The following RRP12 variants were observed in gnomAD, a reference collection of about 807,000 sequenced individuals.
The protein encoded by RRP12 is RRP12-like protein.
Under a neutral mutation model 157.3 loss-of-function variants are expected in RRP12, and 78 were observed. The ratio of observed to expected loss-of-function variants is 0.50; its 90% CI spans 0.41 to 0.60. The LOEUF is 0.60. Among genes scored for constraint, RRP12 ranks in the 20% least tolerant of loss-of-function variants. The pLI is 0.00. For synonymous variants in RRP12, 726 were observed against 670.9 expected (o/e 1.08, Z -1.27); for missense variants, 1,521 against 1,679.9 (o/e 0.91, Z 1.65).
chr10:97,374,648 T>C (rs1350883135), intron 15 of RRP12, among the ~76,000 whole-genome samples: 1 of 151,794 alleles, frequency 6.6e-6, no homozygotes, highest in African/African-American at 2.4e-5. Flanking sequence ...GGCAGGCACC[T>C]GTAGTCCCAG....
intron 20 of RRP12, chr10:97,371,301 C>T (rs1844147798): frequency 1.7e-6 from 1 of 600,564 alleles, no homozygotes; most frequent in South Asian, 2.0e-5. Context: ...CCACTCCACT[C>T]ACCCAGCTCT....
rs1844194615 is a variant in RRP12 at position 97,372,795 on chromosome 10, G to A, written c.2190C>T (p.Asn730=). The A allele has an allele frequency of 6.4e-7, 1 of 1,562,446 alleles. No individual in the cohort carries two copies. Residue 730 remains asparagine (N), a synonymous_variant, in exon 19 of 34, where the codon AAC becomes AAT. Coordinates refer to ENST00000370992, the MANE Select transcript of RRP12 (RefSeq NM_015179.4). The part of the protein sequence containing the change: ...YLTITDTQLV[N]SLLEKASEKV... The stretch of plus-strand genomic sequence containing the variant: ...TCTCACTGGCTTTTTCCAGGAGACT[G>A]TTCACCAACTTGTGGCCCCGAGGGA...
At chr10:97,387,712 G>A (rs1054291568) in intron 8 of RRP12, among the ~76,000 whole-genome samples, 2 of 151,528 alleles carry the variant, frequency 1.3e-5, no homozygotes, top group African/African-American at 2.4e-5. Flanking sequence ...AGGTTGAGGC[G>A]GGCAGATCAC....
chr10:97,400,184 G>A (rs1845099528), intron 2 of RRP12, 121 bp downstream of exon 2: 3 of 754,354 alleles, frequency 4.0e-6, no homozygotes, highest in South Asian at 3.2e-5. Flanking sequence ...GGGGAGGAGC[G>A]ATGACGCATC....
At chr10:97,376,133 C>G (rs555878616) in intron 15 of RRP12, among the ~76,000 whole-genome samples, 1 of 150,914 alleles carries the variant, frequency 6.6e-6, no homozygotes, top group Non-Finnish European at 1.5e-5. Flanking sequence ...CAAACCGACC[C>G]AAACAAAGCA....
chr10:97,401,355 AT>A, upstream of RRP12: 3 of 1,224,580 alleles, frequency 2.4e-6, no homozygotes, highest in Non-Finnish European at 1.2e-6. Context: ...TCACTTCCGG[AT>A]TCGTGTGCAT....
intron 10 of RRP12, among the ~76,000 whole-genome samples, chr10:97,383,947 C>G (rs1018659231): frequency 2.0e-5 from 3 of 152,202 alleles, no homozygotes; most frequent in African/African-American, 7.2e-5. Flanking sequence ...CCTGTCAGAA[C>G]GAGCTGCACT....
chr10:97,368,958 G>C (rs1844062892), intron 25 of RRP12, among the ~76,000 whole-genome samples: 1 of 152,336 alleles, frequency 6.6e-6, no homozygotes, highest in South Asian at 2.1e-4. Flanking sequence ...AGAGGGCCAG[G>C]GACCCTATAC....
intron 2 of RRP12, among the ~76,000 whole-genome samples, chr10:97,399,437 G>T (rs552287149): frequency 1.2e-3 from 185 of 152,166 alleles, no homozygotes; most frequent in Non-Finnish European, 1.6e-3. Context: ...CTCTGTGAAT[G>T]ATTCAAGTTG....
At chr10:97,379,461 T>C (rs1771525021) in intron 14 of RRP12, 47 bp from the exon 15 acceptor site, 1 of 1,611,298 alleles carries the variant, frequency 6.2e-7, no homozygotes, top group African/African-American at 1.3e-5. Context: ...GGGACAGCCC[T>C]GAGGGCAGTG....
Position 97,401,336 on chromosome 10 carries a change from C to G in RRP12, c.-105G>C, listed in dbSNP as rs866728957. On this transcript the variant is annotated 5_prime_UTR_variant, in exon 1 of 34. Coordinates refer to ENST00000370992, the MANE Select transcript of RRP12 (RefSeq NM_015179.4). ...TACCCTGTAGCCTTCACTTCCTCTT[C>G]TTCTGGCGTCACTTCCGGATTCGTG... The G allele has an allele frequency of 7.1e-7, 1 of 1,412,236 alleles. No homozygotes were observed. Among genetic ancestry groups the G allele is most frequent in the Non-Finnish European group, 9.8e-7 (1 of 1,023,816 alleles). 87.5% of individuals were successfully genotyped at this position (1,412,236 alleles called of 1,614,324 possible). A position where few individuals can be genotyped will look rare whatever the true frequency, so the allele number is the denominator to read the frequency against.
chr10:97,390,623 C>T (rs758859520), intron 5 of RRP12, 84 bp from the exon 6 acceptor site: 290 of 1,362,192 alleles, frequency 2.1e-4, no homozygotes, highest in Non-Finnish European at 2.8e-4. Flanking sequence ...TCCAGAAAAT[C>T]GCATCTGTCT....
In RRP12 at chr10:97,388,644, G is replaced by A. The variant is rs1363556767; in HGVS notation, c.754-20C>T. The stretch of plus-strand genomic sequence containing the variant: ...CCGGATCTGAGGGGCAAGGAGAGCA[G>A]GAGACAAGGCCAGATCAGCGTTCCA... On this transcript the variant is annotated intron_variant, in intron 6 of 33. Coordinates refer to ENST00000370992, the MANE Select transcript of RRP12 (RefSeq NM_015179.4). 1.9e-6 allele frequency: 3 copies of A among 1,612,278 alleles called. No homozygotes were observed. The East Asian group carries it at 6.7e-5, about 36-fold the overall frequency.
chr10:97,360,895 C>A (rs1215916114), intron 30 of RRP12, among the ~76,000 whole-genome samples: 3 of 152,236 alleles, frequency 2.0e-5, no homozygotes, highest in Non-Finnish European at 4.4e-5. Context: ...CTGGGCCCCA[C>A]CCAGGCCTGC....
Position 97,366,813 on chromosome 10 carries a change from C to T in RRP12, c.3144G>A (p.Leu1048=), listed in dbSNP as rs1316031663. 4 of 1,614,094 alleles carry T rather than the reference C, an allele frequency of 2.5e-6. No homozygotes were observed. The African/African-American group carries it at 5.3e-5, about 22-fold the overall frequency. ...AEARAKRHRA[L]SQAAVEEEEE... ...CTTCCTCCTCCACGGCAGCCTGGCT[C>T]AGGGCTCGGTGCCTCTTGGCCCGGG... The change falls in exon 27 of 34, where the codon CTG becomes CTA. Residue 1048 remains leucine, a synonymous_variant. Coordinates refer to ENST00000370992, the MANE Select transcript of RRP12 (RefSeq NM_015179.4).
intron 30 of RRP12, 123 bp from the exon 31 acceptor site, chr10:97,360,741 C>T: frequency 1.4e-6 from 1 of 737,600 alleles, no homozygotes. Context: ...AGCACCCCAC[C>T]TCTCACTTAC....
rs542033467 is a variant in RRP12, at chr10:97,370,340, A to G, written c.2690-66T>C. ...ACCAGGTAGGGGGGCTGAGGGCCAG[A>G]GAGGAGCAGCCTGCCCAGGGCCAGG... On this transcript the variant is annotated intron_variant, in intron 23 of 33. Transcript: ENST00000370992. The G allele has an allele frequency of 7.4e-4, 1,037 of 1,400,208 alleles. 2 individuals carry two copies. Among genetic ancestry groups the G allele is most frequent in the Non-Finnish European group, 8.4e-4 (849 of 1,008,342 alleles). 86.7% of individuals were successfully genotyped at this position (1,400,208 alleles called of 1,614,324 possible).
At chr10:97,369,726 C>T in intron 24 of RRP12, 144 bp from the exon 25 acceptor site, 2 of 853,106 alleles carry the variant, frequency 2.3e-6, no homozygotes, top group Non-Finnish European at 3.6e-6. Flanking sequence ...TCCAATCACG[C>T]TCCATGGAGT....
At chr10:97,371,106 A>G (rs1400074157) in intron 20 of RRP12, 25 bp from the exon 21 acceptor site, 1 of 1,610,196 alleles carries the variant, frequency 6.2e-7, no homozygotes. Context: ...CCGGTGAGGG[A>G]GGCCTGGGGC....
Sources: gnomAD v4.1 joint callset for allele counts (sites outside exome capture counted in the v4.1 genomes callset) on GRCh38, gnomAD v4.1.1 for gene constraint, MANE v1.5 for transcripts, NCBI Gene and HGNC (gene_info 2026-07-23, HGNC 2026-07-21) for gene names.